The following NCKAP5 variants were observed in gnomAD, a reference collection of about 807,000 sequenced individuals.
NCKAP5 encodes NCK associated protein 5.
A neutral mutation model predicts 167.0 loss-of-function variants in NCKAP5; 92 were observed. The observed-to-expected ratio is 0.55, with a 90% confidence interval of 0.47 to 0.66. The LOEUF (loss-of-function observed/expected upper bound fraction) is 0.66, where lower values mean the gene tolerates loss of function less well. NCKAP5 is among the 30% of genes least tolerant of loss of function. The pLI is 0.00. For missense variants in NCKAP5, 2,378 were observed against 2,315.0 expected, an observed-to-expected ratio of 1.03 and a Z score of -0.56; for synonymous variants, 891 against 877.4, an observed-to-expected ratio of 1.02 and a Z score of -0.27.
chr2:132,801,004 C>T (rs1407428685), intron 11 of NCKAP5, among the ~76,000 whole-genome samples: 1 of 152,156 alleles, frequency 6.6e-6, no homozygotes, highest in East Asian at 1.9e-4. Context: ...GTCAGGTGTG[C>T]CCACATGACA....
At chr2:133,369,964 AC>A (rs1685695984) in intron 3 of NCKAP5, among the ~76,000 whole-genome samples, 1 of 152,182 alleles carries the variant, frequency 6.6e-6, no homozygotes, top group African/African-American at 2.4e-5. Flanking sequence ...TTTAGCTGGG[AC>A]CCCATTGCCT....
At chr2:132,884,292 T>G (rs966604005) in intron 8 of NCKAP5, among the ~76,000 whole-genome samples, 17 of 152,234 alleles carry the variant, frequency 1.1e-4, no homozygotes, top group African/African-American at 4.1e-4. Flanking sequence ...ATTCCCAGAC[T>G]GTTTCTTCTC....
At chr2:132,772,189 C>T (rs1323435759) in intron 16 of NCKAP5, among the ~76,000 whole-genome samples, 1 of 152,078 alleles carries the variant, frequency 6.6e-6, no homozygotes. Flanking sequence ...TGTAAGTACA[C>T]TCTTTGATAC....
intron 6 of NCKAP5, among the ~76,000 whole-genome samples, chr2:133,113,180 A>G (rs1574067960): frequency 6.6e-6 from 1 of 151,952 alleles, no homozygotes; most frequent in East Asian, 1.9e-4. Context: ...CTCTTCCCCT[A>G]AGGATAGTTT....
chr2:133,090,775 C>T (rs75516867), intron 6 of NCKAP5, among the ~76,000 whole-genome samples: 15,525 of 142,302 alleles, frequency 0.11, 1,063 homozygotes, highest in African/African-American at 0.21. Context: ...TCTCTGAACA[C>T]GGTTGGAGAC....
chr2:133,571,864 G>A (rs16826542), upstream of NCKAP5, among the ~76,000 whole-genome samples: 26,237 of 151,854 alleles, frequency 0.17, 2,462 homozygotes, highest in East Asian at 0.32. Flanking sequence ...TTGGCTTTCA[G>A]TGCATCATCT....
chr2:132,981,931 C>A (rs1338350708), intron 7 of NCKAP5, among the ~76,000 whole-genome samples: 25 of 152,172 alleles, frequency 1.6e-4, no homozygotes, highest in Admixed American at 1.6e-3. Flanking sequence ...AAGAAGACAG[C>A]ACCAAAACAG....
At chr2:133,448,580 AT>A (rs1691355951) in intron 3 of NCKAP5, among the ~76,000 whole-genome samples, 1 of 152,176 alleles carries the variant, frequency 6.6e-6, no homozygotes, top group Admixed American at 6.5e-5. Context: ...GTTGAGCAGT[AT>A]TTTTTTCTTA....
At chr2:133,197,385 T>C (rs372841463) in intron 5 of NCKAP5, among the ~76,000 whole-genome samples, 25 of 152,334 alleles carry the variant, frequency 1.6e-4, no homozygotes, top group African/African-American at 5.5e-4. Flanking sequence ...AGGTCAGAAC[T>C]TGAGGCCTGA....
At position 132,784,786 on chromosome 2, in the gene NCKAP5, G is replaced by C; in HGVS notation, c.2025C>G (p.Asp675Glu). ...GAGAGCTGAATTCAATGGGCTCACCGTCTTCCGCATCAAATATCACAGTCA... is the reference window on the plus strand; with the variant it reads ...GAGAGCTGAATTCAATGGGCTCACCCTCTTCCGCATCAAATATCACAGTCA... ...ECVTVIFDAEDGEPIEFSSHQ... is the reference protein window; with the variant it reads ...ECVTVIFDAEEGEPIEFSSHQ... Residue 675 changes from aspartate (D) to glutamate (E), a missense_variant, in exon 14 of 20, where the codon GAC (aspartate) becomes GAG (glutamate). By Grantham distance (45) the Asp-to-Glu change is conservative (BLOSUM62 2). Around this residue, in one of 3 missense-constraint regions of NCKAP5, gnomAD observed 1,049 missense variants for 1,023.4 expected, o/e 1.02. Coordinates refer to ENST00000409261, the MANE Select transcript of NCKAP5 (RefSeq NM_207363.3). 1 of 1,604,488 alleles carries C rather than the reference G, an allele frequency of 6.2e-7. No homozygotes were observed. Among genetic ancestry groups the C allele is most frequent in the Non-Finnish European group, 8.5e-7 (1 of 1,174,156 alleles).
chr2:133,372,368 T>C (rs1210560413), intron 3 of NCKAP5, among the ~76,000 whole-genome samples: 2 of 152,202 alleles, frequency 1.3e-5, no homozygotes, highest in Non-Finnish European at 2.9e-5. Flanking sequence ...GAATGGATTT[T>C]ATCCCATGGG....
intron 11 of NCKAP5, among the ~76,000 whole-genome samples, chr2:132,860,077 A>G (rs1665961197): frequency 6.6e-6 from 1 of 152,194 alleles, no homozygotes; most frequent in South Asian, 2.1e-4. Context: ...AGAAAAACAA[A>G]CCCCACATGT....
intron 6 of NCKAP5, among the ~76,000 whole-genome samples, chr2:133,073,285 C>T (rs756865389): frequency 1.3e-5 from 2 of 151,604 alleles, no homozygotes; most frequent in Non-Finnish European, 2.9e-5. Flanking sequence ...TCAAGCAAGT[C>T]TCAGCAAGAA....
intron 5 of NCKAP5, among the ~76,000 whole-genome samples, chr2:133,136,992 TCAG>T (rs1436918639): frequency 6.6e-6 from 1 of 152,152 alleles, no homozygotes; most frequent in East Asian, 1.9e-4. Flanking sequence ...GCCAAACACA[TCAG>T]CAGAAAAATT....
intron 3 of NCKAP5, among the ~76,000 whole-genome samples, chr2:133,462,211 T>C (rs1236749810): frequency 1.3e-5 from 2 of 152,194 alleles, no homozygotes; most frequent in Non-Finnish European, 2.9e-5. Flanking sequence ...CCAGCTCTCA[T>C]CATTCTGAGA....
At chr2:133,095,601 A>T (rs990349066) in intron 6 of NCKAP5, among the ~76,000 whole-genome samples, 1 of 152,176 alleles carries the variant, frequency 6.6e-6, no homozygotes, top group African/African-American at 2.4e-5. Context: ...ATCTCAGGAG[A>T]CTCTATGTAG....
the NCKAP5 span, among the ~76,000 whole-genome samples, chr2:133,607,859 TC>T: frequency 6.6e-6 from 1 of 152,176 alleles, no homozygotes; most frequent in African/African-American, 2.4e-5. Flanking sequence ...ACATATATTT[TC>T]TTGTATGGTG....
chr2:133,084,721 T>A (rs1559123242), intron 6 of NCKAP5, among the ~76,000 whole-genome samples: 1 of 152,176 alleles, frequency 6.6e-6, no homozygotes, highest in Non-Finnish European at 1.5e-5. Context: ...GAAAGCCTCC[T>A]CTTTCAAGAG....
intron 6 of NCKAP5, among the ~76,000 whole-genome samples, chr2:133,097,259 C>T (rs2081371642): frequency 6.6e-6 from 1 of 152,156 alleles, no homozygotes; most frequent in African/African-American, 2.4e-5. Flanking sequence ...CCCTAGTCAT[C>T]TACTTCTGGA....
Sources: allele counts gnomAD v4.1 joint callset (sites outside exome capture counted in the v4.1 genomes callset), GRCh38; gene constraint gnomAD v4.1.1; regional missense constraint gnomAD v4.1.1; transcripts MANE v1.5; gene names NCBI Gene and HGNC (gene_info 2026-07-23, HGNC 2026-07-21).